The following TECPR2 variants were observed in gnomAD, a reference collection of about 807,000 sequenced individuals.
TECPR2 encodes the protein tectonin beta-propeller repeat-containing protein 2.
A neutral mutation model predicts 138.1 loss-of-function variants in TECPR2; 65 were observed. That is an observed-to-expected ratio of 0.47 (90% CI 0.39 to 0.58). The LOEUF (loss-of-function observed/expected upper bound fraction) is 0.58. Among genes scored for constraint, TECPR2 ranks in the 20% least tolerant of loss-of-function variants. The pLI is 0.00. For synonymous variants in TECPR2, 746 were observed against 749.8 expected (o/e 0.99, Z 0.08); for missense variants, 1,553 against 1,824.5 (o/e 0.85, Z 2.71).
At chr14:102,478,915 G>A (rs1270477349) in intron 17 of TECPR2, among the ~76,000 whole-genome samples, 1 of 151,742 alleles carries the variant, frequency 6.6e-6, no homozygotes, top group Non-Finnish European at 1.5e-5. Context: ...TACTCGGGAG[G>A]CTGAGATGGG....
In TECPR2 at chr14:102,498,971, A is replaced by C; in HGVS notation, c.*714A>C. On this transcript the variant is annotated 3_prime_UTR_variant, in exon 20 of 20. Coordinates refer to ENST00000359520, the MANE Select transcript of TECPR2 (RefSeq NM_014844.5). ...ACACCACAGCACACCTCACCACACA[A>C]CACACCACACCCCACACCGCACTGC... is the stretch of plus-strand genomic sequence containing the variant. 1.4e-6 allele frequency: 1 copy of C among 693,966 alleles called. No individual in the cohort carries two copies. The highest frequency in any genetic ancestry group is 2.6e-6 in the Non-Finnish European group (1 of 380,826). The allele number at this position is 693,966 out of a possible 1,614,324, so 43.0% of individuals were successfully genotyped here.
At chr14:102,459,956 T>C (rs970571810) in intron 16 of TECPR2, among the ~76,000 whole-genome samples, 3 of 152,082 alleles carry the variant, frequency 2.0e-5, no homozygotes, top group Non-Finnish European at 4.4e-5. Flanking sequence ...ATCATCAGTC[T>C]TCTCTAAAAG....
intron 16 of TECPR2, among the ~76,000 whole-genome samples, 168 bp downstream of exon 16, chr14:102,452,795 T>TAGACAGGCTCTGGGTTTTGTCC (rs1890180797): frequency 6.6e-6 from 1 of 152,220 alleles, no homozygotes; most frequent in Non-Finnish European, 1.5e-5. Context: ...TCTTTCAGAC[T>TAGACAGGCTCTGGGTTTTGTCC]AGACAGGCTC....
intron 2 of TECPR2, among the ~76,000 whole-genome samples, chr14:102,378,628 A>G (rs1332053655): frequency 6.6e-6 from 1 of 151,894 alleles, no homozygotes; most frequent in Non-Finnish European, 1.5e-5. Context: ...GTATTAATAT[A>G]TATATATATT....
intron 4 of TECPR2, among the ~76,000 whole-genome samples, chr14:102,410,291 C>CATACATTGTTTTGATTGAAGTGTA (rs1888792444): frequency 2.1e-5 from 3 of 140,504 alleles, no homozygotes; most frequent in African/African-American, 5.3e-5. Context: ...TGGATTCTCC[C>CATACATTGTTTTGATTGAAGTGTA]TAATCTCAAG....
chr14:102,400,895 A>G (rs1288364823), intron 2 of TECPR2, among the ~76,000 whole-genome samples: 5 of 152,112 alleles, frequency 3.3e-5, no homozygotes, highest in East Asian at 3.9e-4. Context: ...TTAGCCAGGC[A>G]TGGTGGCGGG....
intron 16 of TECPR2, among the ~76,000 whole-genome samples, chr14:102,456,878 C>T (rs1256018750): frequency 1.3e-5 from 2 of 150,518 alleles, no homozygotes; most frequent in Admixed American, 6.6e-5. Context: ...TGTGAGCTAC[C>T]GCACCCAGCC....
chr14:102,465,725 G>T, intron 17 of TECPR2: 5 of 910,344 alleles, frequency 5.5e-6, no homozygotes, highest in South Asian at 1.0e-4. Context: ...AAGAAATTCC[G>T]TTTCCTGTCC....
In TECPR2 at chr14:102,499,338, A is replaced by T; in HGVS notation, c.*1081A>T. 1.7e-6 allele frequency: 1 copy of T among 603,146 alleles called. No homozygotes were observed. The highest frequency in any genetic ancestry group is 3.0e-6 in the Non-Finnish European group (1 of 335,576). 37.4% of individuals were successfully genotyped at this position (603,146 alleles called of 1,614,324 possible). ...TATTGCCTTTGTTGTTGTATTACAA[A>T]TCTGCATAAAATACCTCATTTCAAA... is the stretch of plus-strand genomic sequence containing the variant. On this transcript the variant is annotated 3_prime_UTR_variant, in exon 20 of 20. Transcript: ENST00000359520.
intron 10 of TECPR2, 49 bp downstream of exon 10, chr14:102,438,254 C>T (rs1191971300): frequency 1.1e-5 from 17 of 1,561,266 alleles, no homozygotes; most frequent in Non-Finnish European, 1.4e-5. Context: ...GCTCGCCGCT[C>T]CTGCTCCCCG....
intron 16 of TECPR2, among the ~76,000 whole-genome samples, chr14:102,455,733 TC>T (rs1890261655): frequency 6.6e-6 from 1 of 152,184 alleles, no homozygotes; most frequent in South Asian, 2.1e-4. Context: ...TGTCTCAACC[TC>T]CCGAGTAGCT....
rs117937813 is a variant in TECPR2 at position 102,469,638 on chromosome 14, T to G, written c.3789+4349T>G. On this transcript the variant is annotated intron_variant, in intron 17 of 19. Transcript: ENST00000359520. Reference sequence around the variant, plus strand: ...AGTGGCGAGAATGGGCCTCCTAGTCTTGTTTCTGATCTTAAGGGGAAGGCA... The same window carrying G: ...AGTGGCGAGAATGGGCCTCCTAGTCGTGTTTCTGATCTTAAGGGGAAGGCA... Among the ~76,000 whole-genome samples the G allele has an allele frequency of 4.9e-3, 741 of 152,306 alleles. 2 individuals carry two copies. The highest frequency in any genetic ancestry group is 0.022 in the South Asian group (107 of 4,826).
At chr14:102,442,914 A>G (rs1468562717) in intron 11 of TECPR2, among the ~76,000 whole-genome samples, 5 of 152,260 alleles carry the variant, frequency 3.3e-5, no homozygotes, top group African/African-American at 1.2e-4. Context: ...ACAGAACACA[A>G]GGAGGCAAGG....
intron 17 of TECPR2, among the ~76,000 whole-genome samples, chr14:102,467,555 C>T (rs1434037397): frequency 1.3e-5 from 2 of 152,026 alleles, no homozygotes; most frequent in African/African-American, 4.8e-5. Flanking sequence ...GAACTCCTGA[C>T]CTCAGGTAAT....
intron 16 of TECPR2, among the ~76,000 whole-genome samples, chr14:102,457,328 A>G (rs1176536080): frequency 6.6e-6 from 1 of 150,856 alleles, no homozygotes; most frequent in Middle Eastern, 3.2e-3. Flanking sequence ...CAACTGATGC[A>G]CCCGTCTTGG....
chr14:102,444,500 C>T (rs746615022), intron 12 of TECPR2, among the ~76,000 whole-genome samples: 11 of 151,912 alleles, frequency 7.2e-5, no homozygotes, highest in African/African-American at 9.7e-5. Flanking sequence ...ATGCCTGGCC[C>T]GATCTCTGAA....
intron 16 of TECPR2, among the ~76,000 whole-genome samples, chr14:102,458,469 T>A (rs1486277106): frequency 6.6e-6 from 1 of 152,154 alleles, no homozygotes; most frequent in Non-Finnish European, 1.5e-5. Context: ...GCTCCAGTCT[T>A]TGGTGTGGCA....
chr14:102,434,140 A>T (rs976943315), intron 8 of TECPR2, 95 bp from the exon 9 acceptor site: 25 of 1,191,504 alleles, frequency 2.1e-5, no homozygotes, highest in Admixed American at 1.3e-4. Flanking sequence ...TTTATTTAAA[A>T]TTTTTTTTCT....
Position 102,437,038 on chromosome 14 carries a change from G to A in TECPR2, c.2395-984G>A, listed in dbSNP as rs368352818. The A allele has an allele frequency of 1.6e-5, 16 of 985,324 alleles. 1 individual carries two copies. In the East Asian group the frequency reaches 5.7e-4, roughly 35 times the overall value. 61.0% of individuals were successfully genotyped at this position (985,324 alleles called of 1,614,324 possible). A position where few individuals can be genotyped will look rare whatever the true frequency, so the allele number is the denominator to read the frequency against. On this transcript the variant is annotated intron_variant, in intron 9 of 19. Coordinates refer to ENST00000359520, the MANE Select transcript of TECPR2 (RefSeq NM_014844.5). ...TCCTCATCCCACTCCAGGTAGCTGGGAAGCCAAGAAATTTTATGGTGTGTT... is the reference window on the plus strand; with the variant it reads ...TCCTCATCCCACTCCAGGTAGCTGGAAAGCCAAGAAATTTTATGGTGTGTT...
Sources: gnomAD v4.1 joint callset for allele counts (sites outside exome capture counted in the v4.1 genomes callset) on GRCh38, gnomAD v4.1.1 for gene constraint, MANE v1.5 for transcripts, NCBI Gene and HGNC (gene_info 2026-07-23, HGNC 2026-07-21) for gene names.